Variants in PCDH9 observed in about 807,000 individuals in gnomAD.
PCDH9 encodes protocadherin 9, also known as protocadherin-9.
In PCDH9, 24 loss-of-function variants were observed where a neutral mutation model predicts 70.6. The ratio of observed to expected loss-of-function variants is 0.34; its 90% CI spans 0.25 to 0.48. The LOEUF (loss-of-function observed/expected upper bound fraction) is 0.48, where lower values mean the gene tolerates loss of function less well. Among genes scored for constraint, PCDH9 ranks in the 20% least tolerant of loss-of-function variants. PCDH9 has a pLI of 0.99. For missense variants in PCDH9, 1,281 were observed against 1,503.6 expected, an observed-to-expected ratio of 0.85 and a Z score of 2.45; for synonymous variants, 562 against 558.5, an observed-to-expected ratio of 1.01 and a Z score of -0.09.
chr13:67,044,202 T>A (rs1375311605), intron 2 of PCDH9, among the ~76,000 whole-genome samples: 1 of 152,160 alleles, frequency 6.6e-6, no homozygotes, highest in Non-Finnish European at 1.5e-5. Flanking sequence ...TTGGGTTAAT[T>A]TTTCAAACTT....
intron 3 of PCDH9, among the ~76,000 whole-genome samples, chr13:66,867,430 A>G (rs1594176349): frequency 1.3e-5 from 2 of 152,250 alleles, no homozygotes; most frequent in Middle Eastern, 6.8e-3. Context: ...CCCTTTAGGG[A>G]GGCTGCAGTG....
chr13:66,438,900 G>A (rs2138395923), intron 4 of PCDH9, among the ~76,000 whole-genome samples: 1 of 152,294 alleles, frequency 6.6e-6, no homozygotes, highest in Admixed American at 6.5e-5. Context: ...GTAAGCAGAG[G>A]TAGCTATGAG....
chr13:66,424,219 A>T (rs1957625123), intron 4 of PCDH9, among the ~76,000 whole-genome samples: 1 of 152,200 alleles, frequency 6.6e-6, no homozygotes, highest in African/African-American at 2.4e-5. Flanking sequence ...CATGGGTAGG[A>T]AGAATCAGTA....
At chr13:66,939,093 TC>T (rs2082964755) in intron 2 of PCDH9, among the ~76,000 whole-genome samples, 1 of 152,132 alleles carries the variant, frequency 6.6e-6, no homozygotes, top group Admixed American at 6.6e-5. Context: ...TGTTTTTTTT[TC>T]TTCAGGTTGT....
intron 2 of PCDH9, among the ~76,000 whole-genome samples, chr13:67,026,650 T>C: frequency 6.6e-6 from 1 of 152,050 alleles, no homozygotes; most frequent in Non-Finnish European, 1.5e-5. Flanking sequence ...GACATGATTG[T>C]ATATCTAGAA....
intron 3 of PCDH9, among the ~76,000 whole-genome samples, chr13:66,861,519 A>G (rs2081484227): frequency 6.6e-6 from 1 of 152,120 alleles, no homozygotes; most frequent in Non-Finnish European, 1.5e-5. Context: ...TAAATGTCAC[A>G]AGTTTTACTC....
At chr13:66,739,706 A>G (rs1593984433) in intron 3 of PCDH9, among the ~76,000 whole-genome samples, 1 of 151,796 alleles carries the variant, frequency 6.6e-6, no homozygotes, top group African/African-American at 2.4e-5. Context: ...CTCTGATAAA[A>G]CAGACTTTAA....
chr13:67,201,134 G>A (rs1448097595), intron 2 of PCDH9: 5 of 151,888 alleles, frequency 3.3e-5, no homozygotes, highest in African/African-American at 9.7e-5. Flanking sequence ...CTTTTTTAAA[G>A]CAAGAATAAG....
intron 3 of PCDH9, among the ~76,000 whole-genome samples, chr13:66,822,430 T>C (rs755676138): frequency 3.5e-4 from 53 of 152,118 alleles, no homozygotes; most frequent in Non-Finnish European, 8.8e-5. Flanking sequence ...TAAAAGATGT[T>C]TCCATGATGT....
chr13:67,140,121 T>A (rs1261303939), intron 2 of PCDH9, among the ~76,000 whole-genome samples: 8 of 142,574 alleles, frequency 5.6e-5, no homozygotes, highest in African/African-American at 1.6e-4. Flanking sequence ...CTTGCTAGCA[T>A]CAGCGGCTAC....
chr13:66,873,749 G>C (rs1407960252), intron 3 of PCDH9, among the ~76,000 whole-genome samples: 1 of 151,878 alleles, frequency 6.6e-6, no homozygotes, highest in African/African-American at 2.4e-5. Flanking sequence ...ACAGGAAATG[G>C]GGTCCAGATT....
intron 2 of PCDH9, among the ~76,000 whole-genome samples, chr13:67,160,312 G>T (rs3013560): frequency 0.036 from 5,555 of 152,292 alleles, 334 homozygotes; most frequent in African/African-American, 0.13. Flanking sequence ...TTGGGAGGCC[G>T]AGAAGGGCAG....
At chr13:66,510,798 T>G (rs534324665) in intron 4 of PCDH9, among the ~76,000 whole-genome samples, 4 of 152,340 alleles carry the variant, frequency 2.6e-5, no homozygotes, top group African/African-American at 9.6e-5. Context: ...TTTGCTATTG[T>G]GAATAGTGCC....
chr13:66,535,053 T>A (rs1305123716), intron 4 of PCDH9, among the ~76,000 whole-genome samples: 1 of 152,046 alleles, frequency 6.6e-6, no homozygotes, highest in African/African-American at 2.4e-5. Flanking sequence ...CAAATCTGCT[T>A]GATTGTTCAT....
At chr13:67,209,605 A>C (rs1394267564) in intron 2 of PCDH9, 1 of 152,122 alleles carries the variant, frequency 6.6e-6, no homozygotes, top group Non-Finnish European at 1.5e-5. Context: ...GTAGTAGTAA[A>C]TGCAAGCAAA....
chr13:66,939,424 A>ATG (rs57997772), intron 2 of PCDH9, among the ~76,000 whole-genome samples: 24,259 of 147,876 alleles, frequency 0.16, 2,003 homozygotes, highest in East Asian at 0.31. Context: ...TTTAAAATAT[A>ATG]TGTGTGTGTG....
intron 2 of PCDH9, among the ~76,000 whole-genome samples, chr13:67,038,136 A>C (rs1275913805): frequency 6.6e-6 from 1 of 152,206 alleles, no homozygotes; most frequent in Non-Finnish European, 1.5e-5. Flanking sequence ...ATTATGATGT[A>C]AATAACAGTT....
At chr13:66,922,726 T>A (rs2082657010) in intron 2 of PCDH9, among the ~76,000 whole-genome samples, 1 of 151,530 alleles carries the variant, frequency 6.6e-6, no homozygotes, top group Non-Finnish European at 1.5e-5. Flanking sequence ...TAACTCTAAT[T>A]TGCTGCTATT....
Position 66,683,170 on chromosome 13 carries a change from T to C in PCDH9, c.3139-51759A>G, listed in dbSNP as rs143473893. Among the ~76,000 whole-genome samples the C allele has an allele frequency of 2.6e-5, 4 of 152,282 alleles. No homozygotes were observed. The East Asian group carries it at 7.7e-4, about 29-fold the overall frequency. On this transcript the variant is annotated intron_variant, in intron 3 of 4. Coordinates refer to ENST00000377865, the MANE Select transcript of PCDH9 (RefSeq NM_203487.3). ...AATCAAGGAGGCTTCAATGGTGATG[T>C]AAAGTTAAAAGACTCTTCCCATTCA... is the stretch of plus-strand genomic sequence containing the variant.
Sources: gnomAD v4.1 joint callset for allele counts (sites outside exome capture counted in the v4.1 genomes callset) on GRCh38, gnomAD v4.1.1 for gene constraint, MANE v1.5 for transcripts, NCBI Gene and HGNC (gene_info 2026-07-23, HGNC 2026-07-21) for gene names.